ANGPT1: variants seen among roughly 807,000 people sequenced by gnomAD.
ANGPT1 encodes the protein angiopoietin 1.
In ANGPT1, 17 loss-of-function variants were observed where a neutral mutation model predicts 62.2. That is an observed-to-expected ratio of 0.27 (90% confidence interval 0.19 to 0.41). The LOEUF is 0.41. ANGPT1 is among the 10% of genes least tolerant of loss of function. ANGPT1 has a pLI of 1.00. For synonymous variants in ANGPT1, 199 were observed against 198.9 expected, an observed-to-expected ratio of 1.00 and a Z score of 0.00; for missense variants, 478 against 594.9, an observed-to-expected ratio of 0.80 and a Z score of 2.04.
At chr8:107,340,902 T>C (rs1815683220) in intron 2 of ANGPT1, among the ~76,000 whole-genome samples, 1 of 152,170 alleles carries the variant, frequency 6.6e-6, no homozygotes, top group African/African-American at 2.4e-5. Context: ...ACATAAAATA[T>C]GATGCCTTGG....
chr8:107,471,410 G>A (rs992475073), intron 1 of ANGPT1, among the ~76,000 whole-genome samples: 2 of 151,984 alleles, frequency 1.3e-5, no homozygotes, highest in East Asian at 1.9e-4. Context: ...GTCAGGCTGT[G>A]GGGGGACTAG....
chr8:107,299,540 T>G (rs1177522831), intron 5 of ANGPT1, among the ~76,000 whole-genome samples: 1 of 142,360 alleles, frequency 7.0e-6, no homozygotes, highest in East Asian at 2.1e-4. Context: ...TATATATAGA[T>G]ATTTAGATAT....
intron 1 of ANGPT1, among the ~76,000 whole-genome samples, chr8:107,496,221 G>A (rs113703245): frequency 2.0e-5 from 3 of 152,288 alleles, no homozygotes; most frequent in Admixed American, 6.5e-5. Context: ...TTCACAAATT[G>A]AGACATTGCC....
chr8:107,323,857 G>C (rs2130071035), intron 3 of ANGPT1, among the ~76,000 whole-genome samples: 1 of 152,192 alleles, frequency 6.6e-6, no homozygotes, highest in Non-Finnish European at 1.5e-5. Flanking sequence ...TCTACTCACT[G>C]CAAGTTCCGC....
chr8:107,437,302 T>C (rs1811359153), intron 1 of ANGPT1, among the ~76,000 whole-genome samples: 1 of 152,194 alleles, frequency 6.6e-6, no homozygotes, highest in Non-Finnish European at 1.5e-5. Flanking sequence ...TCCTTGACTC[T>C]ACAAGAATCA....
chr8:107,321,851 G>A, intron 4 of ANGPT1, 45 bp downstream of exon 4: 1 of 1,553,434 alleles, frequency 6.4e-7, no homozygotes, highest in Non-Finnish European at 8.9e-7. Flanking sequence ...CTTGATCAAA[G>A]GAAATAAAAT....
At chr8:107,394,663 T>G (rs890097121) in intron 1 of ANGPT1, among the ~76,000 whole-genome samples, 1 of 152,210 alleles carries the variant, frequency 6.6e-6, no homozygotes, top group Non-Finnish European at 1.5e-5. Context: ...AGATTGTCAC[T>G]AACGCTATTT....
chr8:107,433,133 GC>G (rs1811240140), intron 1 of ANGPT1, among the ~76,000 whole-genome samples: 1 of 151,950 alleles, frequency 6.6e-6, no homozygotes, highest in African/African-American at 2.4e-5. Context: ...TGAGATCATT[GC>G]CCATTTGGTG....
chr8:107,449,070 TCC>T (rs1483510742), intron 1 of ANGPT1, among the ~76,000 whole-genome samples: 6 of 152,040 alleles, frequency 3.9e-5, no homozygotes, highest in Non-Finnish European at 7.4e-5. Flanking sequence ...GGAAGTGATT[TCC>T]TTTAGCCATG....
At chr8:107,304,594 T>C (rs1233471292) in intron 4 of ANGPT1, among the ~76,000 whole-genome samples, 3 of 151,884 alleles carry the variant, frequency 2.0e-5, no homozygotes, top group South Asian at 2.1e-4. Context: ...TACTAAATAC[T>C]GGCCTTTAGT....
At chr8:107,481,911 G>A (rs1049006833) in intron 1 of ANGPT1, among the ~76,000 whole-genome samples, 2 of 152,146 alleles carry the variant, frequency 1.3e-5, no homozygotes, top group African/African-American at 2.4e-5. Flanking sequence ...ACAACACGTG[G>A]GGATTATAGG....
At chr8:107,488,700 A>G (rs930550905) in intron 1 of ANGPT1, among the ~76,000 whole-genome samples, 1 of 152,208 alleles carries the variant, frequency 6.6e-6, no homozygotes, top group East Asian at 1.9e-4. Flanking sequence ...GAATTAGAAA[A>G]TAATAAGAAG....
chr8:107,310,977 ATG>A (rs1563562755), intron 4 of ANGPT1, among the ~76,000 whole-genome samples: 1 of 95,098 alleles, frequency 1.1e-5, no homozygotes, highest in African/African-American at 5.0e-5. Context: ...ATGAGTGTGT[ATG>A]TGAGTGTGTG....
intron 1 of ANGPT1, among the ~76,000 whole-genome samples, chr8:107,427,727 G>C (rs1811075669): frequency 6.6e-6 from 1 of 152,202 alleles, no homozygotes; most frequent in African/African-American, 2.4e-5. Flanking sequence ...GTTTTAGACT[G>C]TCTCTCAGTA....
At position 107,402,830 on chromosome 8, in the gene ANGPT1, G is replaced by T. The variant is rs568559895; in HGVS notation, c.298-55733C>A. Among the ~76,000 whole-genome samples the T allele has an allele frequency of 7.9e-5, 12 of 152,228 alleles. No homozygotes were observed. In the South Asian group the frequency reaches 2.5e-3, roughly 32 times the overall value. On this transcript the variant is annotated intron_variant, in intron 1 of 8. Coordinates refer to ENST00000517746, the MANE Select transcript of ANGPT1 (RefSeq NM_001146.5). ...GTTCTTAAAATAATTTATATTTAAA[G>T]TTATTCTAATCTTTGAGCCAGGAAT...
intron 1 of ANGPT1, among the ~76,000 whole-genome samples, chr8:107,381,677 G>A (rs1214453412): frequency 6.6e-6 from 1 of 152,178 alleles, no homozygotes; most frequent in African/African-American, 2.4e-5. Flanking sequence ...ATCCCTGCTA[G>A]CAAGATTGAA....
At chr8:107,264,470 CT>C in intron 7 of ANGPT1, 119 bp from the exon 8 acceptor site, 1 of 1,281,886 alleles carries the variant, frequency 7.8e-7, no homozygotes, top group Non-Finnish European at 1.0e-6. Context: ...GAACTCAGCC[CT>C]TCCAACAAAC....
chr8:107,376,946 A>G (rs1240286117), intron 1 of ANGPT1, among the ~76,000 whole-genome samples: 1 of 152,164 alleles, frequency 6.6e-6, no homozygotes, highest in Non-Finnish European at 1.5e-5. Context: ...GTCCCAAAAG[A>G]TCAAGTACAT....
chr8:107,455,626 A>G (rs899292528), intron 1 of ANGPT1, among the ~76,000 whole-genome samples: 2 of 152,036 alleles, frequency 1.3e-5, no homozygotes, highest in African/African-American at 4.8e-5. Context: ...TTTCAAAGGG[A>G]GACTTTATTA....
Sources: gnomAD v4.1 joint callset for allele counts (sites outside exome capture counted in the v4.1 genomes callset) on GRCh38, gnomAD v4.1.1 for gene constraint, MANE v1.5 for transcripts, NCBI Gene and HGNC (gene_info 2026-07-23, HGNC 2026-07-21) for gene names.